The following ASIC2 variants were observed in gnomAD, a reference collection of about 807,000 sequenced individuals.
ASIC2 encodes the protein acid-sensing ion channel 2.
A neutral mutation model predicts 57.3 loss-of-function variants in ASIC2; 25 were observed. That is an observed-to-expected ratio of 0.44 (90% CI 0.32 to 0.61). ASIC2 has a LOEUF of 0.61. Ranked by LOEUF, ASIC2 falls within the 20% of genes least tolerant of loss-of-function variation. The pLI, the probability that ASIC2 is intolerant of heterozygous loss-of-function variation, is 0.06. For missense variants in ASIC2, 641 were observed against 738.1 expected, an observed-to-expected ratio of 0.87 and a Z score of 1.52; for synonymous variants, 319 against 307.5, an observed-to-expected ratio of 1.04 and a Z score of -0.39.
intron 2 of ASIC2, among the ~76,000 whole-genome samples, chr17:33,089,471 C>A (rs1439541102): frequency 6.6e-6 from 1 of 152,138 alleles, no homozygotes; most frequent in Non-Finnish European, 1.5e-5. Context: ...CTAGGGAAAT[C>A]CATTTTGGAC....
At chr17:33,803,893 C>T (rs1912201563) in intron 1 of ASIC2, among the ~76,000 whole-genome samples, 1 of 152,044 alleles carries the variant, frequency 6.6e-6, no homozygotes, top group Non-Finnish European at 1.5e-5. Flanking sequence ...TGAAGATTGC[C>T]AGTGTGGGGT....
intron 1 of ASIC2, among the ~76,000 whole-genome samples, chr17:33,179,031 T>G (rs11868418): frequency 0.015 from 2,229 of 152,286 alleles, 35 homozygotes; most frequent in African/African-American, 0.039. Context: ...GCTCGGATAC[T>G]GAAGGTTCTC....
chr17:33,580,809 C>A (rs984483464), intron 1 of ASIC2, among the ~76,000 whole-genome samples: 1 of 152,140 alleles, frequency 6.6e-6, no homozygotes, highest in African/African-American at 2.4e-5. Context: ...TAACTAAGTT[C>A]TTTTTATTAA....
chr17:33,470,006 GTAATAATGCA>G (rs143248331), intron 1 of ASIC2, among the ~76,000 whole-genome samples: 2,751 of 146,870 alleles, frequency 0.019, 64 homozygotes, highest in African/African-American at 0.049. Flanking sequence ...TGCACAACCA[GTAATAATGCA>G]TAATACAAAG....
chr17:33,586,254 T>C (rs1042445448), intron 1 of ASIC2, among the ~76,000 whole-genome samples: 5 of 152,210 alleles, frequency 3.3e-5, no homozygotes, highest in African/African-American at 1.2e-4. Context: ...TTTCTGGAGC[T>C]TCTGGGTTCT....
At chr17:34,127,130 A>G (rs1911808182) in intron 1 of ASIC2, among the ~76,000 whole-genome samples, 1 of 152,182 alleles carries the variant, frequency 6.6e-6, no homozygotes, top group Non-Finnish European at 1.5e-5. Context: ...AACTCAAATC[A>G]GCTTCAGTAA....
At position 33,724,419 on chromosome 17, in the gene ASIC2, AT is replaced by A. The variant is rs1909482531; in HGVS notation, c.555+431558del. 2.0e-5 allele frequency among the ~76,000 whole-genome samples: 3 copies of A among 152,200 alleles called. No homozygotes were observed. The South Asian group carries it at 6.2e-4, about 31-fold the overall frequency. Reference sequence around the variant, plus strand: ...AGCCGACTTACGTCTGGAAAGAATGATTTTGTCTGCTGCGTGAAGAGTAGAC... The same window carrying A: ...AGCCGACTTACGTCTGGAAAGAATGATTTGTCTGCTGCGTGAAGAGTAGAC... On this transcript the variant is annotated intron_variant, in intron 1 of 9. Coordinates refer to the ASIC2 transcript ENST00000359872.
At chr17:33,558,174 A>G (rs1915966336) in intron 1 of ASIC2, among the ~76,000 whole-genome samples, 1 of 152,020 alleles carries the variant, frequency 6.6e-6, no homozygotes, top group African/African-American at 2.4e-5. Context: ...ATAAAGACAC[A>G]AGACAAAGAG....
chr17:33,322,605 C>T (rs1906914172), intron 1 of ASIC2, among the ~76,000 whole-genome samples: 1 of 152,096 alleles, frequency 6.6e-6, no homozygotes, highest in Non-Finnish European at 1.5e-5. Context: ...GAAAGCCTAC[C>T]TTGAGCTGTA....
At chr17:33,021,182 T>A in intron 7 of ASIC2, 37 bp downstream of exon 7, 3 of 541,400 alleles carry the variant, frequency 5.5e-6, no homozygotes, top group Non-Finnish European at 1.1e-5. Context: ...CCACCCTCTA[T>A]GAGATGTGGA....
chr17:33,171,811 C>T (rs888234391), intron 1 of ASIC2, among the ~76,000 whole-genome samples: 2 of 152,180 alleles, frequency 1.3e-5, no homozygotes, highest in African/African-American at 4.8e-5. Flanking sequence ...TTCCCTTGGG[C>T]CCCCTTTTAG....
chr17:33,871,321 T>C (rs1349753232), intron 1 of ASIC2, among the ~76,000 whole-genome samples: 3 of 152,124 alleles, frequency 2.0e-5, no homozygotes, highest in Non-Finnish European at 4.4e-5. Context: ...AAATGGAAAG[T>C]ATTTTGGGCA....
At chr17:33,409,557 T>G (rs1567851711) in intron 1 of ASIC2, among the ~76,000 whole-genome samples, 1 of 152,256 alleles carries the variant, frequency 6.6e-6, no homozygotes, top group Non-Finnish European at 1.5e-5. Flanking sequence ...ATGGTCACTG[T>G]ACTCCTATTC....
At chr17:33,672,796 C>T (rs960970619) in intron 1 of ASIC2, among the ~76,000 whole-genome samples, 2 of 152,160 alleles carry the variant, frequency 1.3e-5, no homozygotes, top group Non-Finnish European at 2.9e-5. Flanking sequence ...AATCTCCAGT[C>T]TGGCGTTGAG....
At chr17:33,290,966 T>A (rs1344824659) in intron 1 of ASIC2, 1 of 158,768 alleles carries the variant, frequency 6.3e-6, no homozygotes, top group African/African-American at 2.4e-5. Context: ...GCTTCCTTTT[T>A]TTTTTTTTTT....
intron 1 of ASIC2, among the ~76,000 whole-genome samples, chr17:33,919,606 C>T (rs1915666951): frequency 6.6e-6 from 1 of 152,156 alleles, no homozygotes. Flanking sequence ...CTGGAAATTG[C>T]CTTTGGCAAA....
intron 1 of ASIC2, among the ~76,000 whole-genome samples, chr17:33,776,807 A>G (rs1472290048): frequency 6.6e-6 from 1 of 152,152 alleles, no homozygotes; most frequent in African/African-American, 2.4e-5. Context: ...ATAGAATTTG[A>G]GTTTTCGGAT....
At chr17:34,087,107 G>A (rs960630650) in intron 1 of ASIC2, among the ~76,000 whole-genome samples, 17 of 151,740 alleles carry the variant, frequency 1.1e-4, no homozygotes, top group Admixed American at 3.9e-4. Context: ...TATTTTGCTT[G>A]TTAGTTGATG....
At position 33,013,786 on chromosome 17, in the gene ASIC2, G is replaced by A; in HGVS notation, c.*179C>T. 3.2e-6 allele frequency: 2 copies of A among 628,134 alleles called. No homozygotes were observed. 38.9% of individuals were successfully genotyped at this position (628,134 alleles called of 1,614,324 possible). On this transcript the variant is annotated 3_prime_UTR_variant, in exon 10 of 10. Coordinates refer to ENST00000225823, the MANE Select transcript of ASIC2 (RefSeq NM_183377.2). ...AAGAGGGACGCACGGCGGGGCCCAAGGATGCGTCGTGTTGGACGTGGCCGG... is the reference window on the plus strand; with the variant it reads ...AAGAGGGACGCACGGCGGGGCCCAAAGATGCGTCGTGTTGGACGTGGCCGG...
Sources: allele counts gnomAD v4.1 joint callset (sites outside exome capture counted in the v4.1 genomes callset), GRCh38; gene constraint gnomAD v4.1.1; transcripts MANE v1.5; gene names NCBI Gene and HGNC (gene_info 2026-07-23, HGNC 2026-07-21).